The following MSTO1 variants were observed in gnomAD, a reference collection of about 807,000 sequenced individuals.
MSTO1 encodes the protein misato mitochondrial distribution and morphology regulator 1.
A neutral mutation model predicts 55.7 loss-of-function variants in MSTO1; 24 were observed. That is an observed-to-expected ratio of 0.43 (90% CI 0.31 to 0.61). The LOEUF is 0.61. Ranked by LOEUF, MSTO1 falls within the 20% of genes least tolerant of loss-of-function variation. The pLI is 0.09. For synonymous variants in MSTO1, 162 were observed against 252.8 expected, an observed-to-expected ratio of 0.64 and a Z score of 3.41; for missense variants, 363 against 625.7, an observed-to-expected ratio of 0.58 and a Z score of 4.48.
chr1:155,588,630 A>G, the MSTO1 span, among the ~76,000 whole-genome samples: 1 of 152,170 alleles, frequency 6.6e-6, no homozygotes, highest in Non-Finnish European at 1.5e-5. Flanking sequence ...ACTGTGCTCT[A>G]TTGCATTTTA....
Position 155,612,885 on chromosome 1 carries a change from C to T in MSTO1, c.1008C>T (p.Ala336=), listed in dbSNP as rs1674585148. 2 of 1,613,930 alleles carry T rather than the reference C, an allele frequency of 1.2e-6. No individual in the cohort carries two copies. The highest frequency in any genetic ancestry group is 2.7e-5 in the African/African-American group (2 of 75,042). The change falls in exon 10 of 14, where the codon GCC becomes GCT. Residue 336 remains alanine, a synonymous_variant. Transcript: ENST00000245564. ...PFHCSAILAT[A]LDTVTVPYRL... ...ACTGCAGTGCCATCCTGGCTACAGC[C>T]CTGGACACAGTCACTGTTCCTTATC...
At chr1:155,569,050 C>T in the MSTO1 span, among the ~76,000 whole-genome samples, 5 of 152,002 alleles carry the variant, frequency 3.3e-5, no homozygotes, top group South Asian at 2.1e-4. Flanking sequence ...GCCGGGGTTT[C>T]AGCATGTTGG....
At chr1:155,592,396 A>T in the MSTO1 span, among the ~76,000 whole-genome samples, 1 of 152,192 alleles carries the variant, frequency 6.6e-6, no homozygotes, top group African/African-American at 2.4e-5. Context: ...ATAGGTGTTT[A>T]GCCAAAGGAA....
chr1:155,606,159 G>T (rs1267759442), upstream of MSTO1, among the ~76,000 whole-genome samples: 1 of 139,244 alleles, frequency 7.2e-6, no homozygotes, highest in Non-Finnish European at 1.5e-5. Context: ...TCAGCCTCCC[G>T]AGTAGCTGGG....
the MSTO1 span, among the ~76,000 whole-genome samples, chr1:155,575,125 C>T: frequency 1.3e-5 from 2 of 151,858 alleles, no homozygotes; most frequent in Non-Finnish European, 2.9e-5. Context: ...CCTCAGCTTC[C>T]TAAAGTGCTG....
chr1:155,564,893 G>C, the MSTO1 span, among the ~76,000 whole-genome samples: 1 of 152,096 alleles, frequency 6.6e-6, no homozygotes, highest in Non-Finnish European at 1.5e-5. Flanking sequence ...AGGCCAAGGC[G>C]CATGGATCAC....
At chr1:155,563,297 C>T in the MSTO1 span, 1 of 455,984 alleles carries the variant, frequency 2.2e-6, no homozygotes, top group Non-Finnish European at 4.4e-6. Flanking sequence ...GTGTGCCGGT[C>T]GCCTAGTCAG....
At chr1:155,584,001 CTG>C in the MSTO1 span, among the ~76,000 whole-genome samples, 3 of 152,194 alleles carry the variant, frequency 2.0e-5, no homozygotes, top group Non-Finnish European at 4.4e-5. Flanking sequence ...ACTATAGACT[CTG>C]TGTAGTGTGG....
the MSTO1 span, among the ~76,000 whole-genome samples, chr1:155,567,342 C>T: frequency 1.4e-5 from 2 of 141,378 alleles, no homozygotes; most frequent in Admixed American, 7.2e-5. Context: ...GACGGAGTCT[C>T]GTTCTGTCGC....
the MSTO1 span, among the ~76,000 whole-genome samples, chr1:155,574,969 C>A: frequency 6.7e-6 from 1 of 150,274 alleles, no homozygotes; most frequent in African/African-American, 2.5e-5. Context: ...CGGGTTCAAG[C>A]GATTCTCCTG....
At position 155,614,698 on chromosome 1, in the gene MSTO1, C is replaced by T. The variant is rs931202084; in HGVS notation, c.*425C>T. 74 of 1,571,180 alleles carry T rather than the reference C, an allele frequency of 4.7e-5. No homozygotes were observed. The highest frequency in any genetic ancestry group is 6.3e-5 in the Non-Finnish European group (72 of 1,141,988). On this transcript the variant is annotated 3_prime_UTR_variant, in exon 14 of 14. Coordinates refer to ENST00000245564, the MANE Select transcript of MSTO1 (RefSeq NM_018116.4). ...GCCAGGGCGCCTGTTGGGTTTGGTC[C>T]TGTGTAGATGATTCCCAGAGTCTCA...
chr1:155,605,411 C>G (rs1239550570), upstream of MSTO1, among the ~76,000 whole-genome samples: 2 of 152,046 alleles, frequency 1.3e-5, no homozygotes, highest in African/African-American at 2.4e-5. Flanking sequence ...ATGAAATGGA[C>G]AAATTTCCAA....
intron 9 of MSTO1, 103 bp from the exon 10 acceptor site, chr1:155,612,741 T>C (rs1674536582): frequency 6.8e-7 from 1 of 1,477,850 alleles, no homozygotes; most frequent in African/African-American, 1.4e-5. Context: ...GGGTCAAACA[T>C]ACCCCTGATT....
upstream of MSTO1, among the ~76,000 whole-genome samples, chr1:155,606,068 C>T (rs78781022): frequency 1.3e-5 from 2 of 152,056 alleles, no homozygotes; most frequent in Non-Finnish European, 1.5e-5. Context: ...GAGTCTTGCT[C>T]TATCACCCAG....
At chr1:155,597,339 G>A in the MSTO1 span, among the ~76,000 whole-genome samples, 506 of 151,114 alleles carry the variant, frequency 3.3e-3, 2 homozygotes, top group African/African-American at 0.012. Flanking sequence ...GCATAGTGGC[G>A]GGCGCCTGTA....
chr1:155,582,980 C>T, the MSTO1 span, among the ~76,000 whole-genome samples: 1 of 151,550 alleles, frequency 6.6e-6, no homozygotes, highest in Non-Finnish European at 1.5e-5. Context: ...ATCCTCCCTT[C>T]TCAGCCTCCC....
the MSTO1 span, among the ~76,000 whole-genome samples, chr1:155,595,408 G>A: frequency 6.6e-6 from 1 of 151,816 alleles, no homozygotes. Flanking sequence ...TCGATCTCCT[G>A]ACCTCGTGAT....
chr1:155,582,786 A>C, the MSTO1 span, among the ~76,000 whole-genome samples: 1 of 151,974 alleles, frequency 6.6e-6, no homozygotes, highest in Non-Finnish European at 1.5e-5. Context: ...AAATATTTTG[A>C]AATGTGATTT....
chr1:155,597,891 A>G, the MSTO1 span, among the ~76,000 whole-genome samples: 1 of 150,228 alleles, frequency 6.7e-6, no homozygotes, highest in South Asian at 2.1e-4. Context: ...ATCTCGGCTC[A>G]CTGCAGCCTC....
Sources: gnomAD v4.1 joint callset for allele counts (sites outside exome capture counted in the v4.1 genomes callset) on GRCh38, gnomAD v4.1.1 for gene constraint, MANE v1.5 for transcripts, NCBI Gene and HGNC (gene_info 2026-07-23, HGNC 2026-07-21) for gene names.